Variants in IMMP1L observed in about 807,000 individuals in gnomAD.
The protein encoded by IMMP1L is mitochondrial inner membrane protease subunit 1.
A neutral mutation model predicts 21.8 loss-of-function variants in IMMP1L; 24 were observed. That is an observed-to-expected ratio of 1.10 (90% CI 0.80 to 1.55). The LOEUF (loss-of-function observed/expected upper bound fraction) is 1.55. Among genes scored for constraint, IMMP1L ranks in the 40% most tolerant of loss-of-function variants. The pLI is 0.00. For missense variants in IMMP1L, 195 were observed against 200.7 expected, an observed-to-expected ratio of 0.97 and a Z score of 0.17; for synonymous variants, 46 against 62.8, an observed-to-expected ratio of 0.73 and a Z score of 1.26.
In IMMP1L at chr11:31,449,798, A is replaced by T. The variant is rs142400442; in HGVS notation, c.321+6462T>A. Reference sequence around the variant, plus strand: ...TGCTGACATCTATGGTACCAAAGACAACCAAAAACCTTTAAATTAAATAGC... The same window carrying T: ...TGCTGACATCTATGGTACCAAAGACTACCAAAAACCTTTAAATTAAATAGC... On this transcript the variant is annotated intron_variant, in intron 4 of 5. Coordinates refer to ENST00000532287, the MANE Select transcript of IMMP1L (RefSeq NM_001304274.2). Among the ~76,000 whole-genome samples, 562 of 152,308 alleles carry T rather than the reference A, an allele frequency of 3.7e-3. 2 individuals are homozygous for T. The highest frequency in any genetic ancestry group is 0.013 in the African/African-American group (541 of 41,576).
At chr11:31,472,351 A>G (rs1053729906) in intron 1 of IMMP1L, among the ~76,000 whole-genome samples, 1 of 152,210 alleles carries the variant, frequency 6.6e-6, no homozygotes, top group African/African-American at 2.4e-5. Context: ...GGTCAAATAC[A>G]AGACTTATTA....
At chr11:31,432,667 A>G (rs1952949512) in intron 5 of IMMP1L, 99 bp from the exon 6 acceptor site, 3 of 777,594 alleles carry the variant, frequency 3.9e-6, no homozygotes, top group Admixed American at 2.0e-5. Flanking sequence ...TATGCCAGAT[A>G]AACACTTTCT....
chr11:31,452,006 G>A (rs1953773740), intron 4 of IMMP1L, among the ~76,000 whole-genome samples: 1 of 152,228 alleles, frequency 6.6e-6, no homozygotes, highest in Non-Finnish European at 1.5e-5. Flanking sequence ...GGTCAAGTAT[G>A]ATGAGGACTG....
chr11:31,478,928 A>C (rs1015951080), intron 1 of IMMP1L, among the ~76,000 whole-genome samples: 1 of 152,202 alleles, frequency 6.6e-6, no homozygotes, highest in East Asian at 1.9e-4. Flanking sequence ...ATCTCTCCTC[A>C]CATTTAAATA....
chr11:31,498,657 G>A (rs1317714113), intron 1 of IMMP1L, among the ~76,000 whole-genome samples: 1 of 152,162 alleles, frequency 6.6e-6, no homozygotes, highest in Non-Finnish European at 1.5e-5. Flanking sequence ...CCTGTATTTG[G>A]ACTGAAGTGG....
intron 1 of IMMP1L, among the ~76,000 whole-genome samples, chr11:31,487,654 C>G (rs1193150880): frequency 6.6e-6 from 1 of 151,982 alleles, no homozygotes; most frequent in African/African-American, 2.4e-5. Flanking sequence ...TAGATATTTT[C>G]TTTGGAAAAA....
chr11:31,451,193 T>G (rs1167042256), intron 4 of IMMP1L, among the ~76,000 whole-genome samples: 1 of 152,128 alleles, frequency 6.6e-6, no homozygotes, highest in Non-Finnish European at 1.5e-5. Flanking sequence ...TGGCTTTTAC[T>G]GTAAGTGAGA....
chr11:31,506,911 G>C (rs1195413571), intron 1 of IMMP1L, among the ~76,000 whole-genome samples: 2 of 151,734 alleles, frequency 1.3e-5, no homozygotes, highest in African/African-American at 2.4e-5. Flanking sequence ...AGTAAGCCGA[G>C]ATCATGCCAC....
At chr11:31,472,721 G>T (rs943270953) in intron 1 of IMMP1L, among the ~76,000 whole-genome samples, 1 of 152,136 alleles carries the variant, frequency 6.6e-6, no homozygotes, top group African/African-American at 2.4e-5. Flanking sequence ...CATAAAAATT[G>T]TGACTGTGTC....
At chr11:31,507,070 G>C (rs1414291895) in intron 1 of IMMP1L, among the ~76,000 whole-genome samples, 1 of 152,116 alleles carries the variant, frequency 6.6e-6, no homozygotes, top group Non-Finnish European at 1.5e-5. Context: ...ACGAGGTCAG[G>C]AGACTGAGAC....
intron 4 of IMMP1L, chr11:31,452,227 A>G (rs987377607): frequency 1.6e-5 from 16 of 984,858 alleles, no homozygotes; most frequent in Non-Finnish European, 1.9e-5. Context: ...ATGTTTGTTG[A>G]TAGGAATTTA....
intron 1 of IMMP1L, among the ~76,000 whole-genome samples, chr11:31,489,114 C>T (rs1482708625): frequency 6.6e-6 from 1 of 151,834 alleles, no homozygotes; most frequent in Non-Finnish European, 1.5e-5. Context: ...AGCCAGGATG[C>T]TCTTGATTTC....
chr11:31,443,809 A>G (rs1280512180), intron 4 of IMMP1L, among the ~76,000 whole-genome samples: 1 of 152,166 alleles, frequency 6.6e-6, no homozygotes, highest in Non-Finnish European at 1.5e-5. Flanking sequence ...ATTCATAGCC[A>G]GTCATCACCA....
intron 4 of IMMP1L, among the ~76,000 whole-genome samples, chr11:31,446,670 T>C (rs1953534767): frequency 1.3e-5 from 2 of 152,202 alleles, no homozygotes; most frequent in Admixed American, 1.3e-4. Context: ...TACTTACTTC[T>C]AGGCCTTCAG....
intron 5 of IMMP1L, 30 bp from the exon 6 acceptor site, chr11:31,432,598 T>C: frequency 7.0e-7 from 1 of 1,438,104 alleles, no homozygotes; most frequent in Non-Finnish European, 9.8e-7. Flanking sequence ...TTGAAGACAA[T>C]TAGTGAAAGT....
intron 1 of IMMP1L, among the ~76,000 whole-genome samples, chr11:31,495,112 T>G (rs1354123254): frequency 1.3e-5 from 2 of 152,214 alleles, no homozygotes; most frequent in African/African-American, 4.8e-5. Flanking sequence ...AGAGTTACCT[T>G]TGCTCCAGTT....
chr11:31,483,400 A>G (rs1056817031), intron 1 of IMMP1L, among the ~76,000 whole-genome samples: 3 of 152,096 alleles, frequency 2.0e-5, no homozygotes, highest in African/African-American at 4.8e-5. Flanking sequence ...AGGAACTGAC[A>G]TGTATATAAT....
At chr11:31,491,038 CAACTT>C (rs1955238064) in intron 1 of IMMP1L, among the ~76,000 whole-genome samples, 1 of 152,152 alleles carries the variant, frequency 6.6e-6, no homozygotes. Context: ...ACATAGCTGA[CAACTT>C]GACTTCGTAT....
At chr11:31,503,854 A>C (rs1471935046) in intron 1 of IMMP1L, among the ~76,000 whole-genome samples, 1 of 152,214 alleles carries the variant, frequency 6.6e-6, no homozygotes, top group African/African-American at 2.4e-5. Flanking sequence ...TTCTGAGAGA[A>C]AGAAAGCCAG....
Sources: allele counts gnomAD v4.1 joint callset (sites outside exome capture counted in the v4.1 genomes callset), GRCh38; gene constraint gnomAD v4.1.1; transcripts MANE v1.5; gene names NCBI Gene and HGNC (gene_info 2026-07-23, HGNC 2026-07-21).